Variants in DENND1A observed in about 807,000 individuals in gnomAD.
DENND1A encodes the protein DENN domain-containing protein 1A.
Under a neutral mutation model 113.7 loss-of-function variants are expected in DENND1A, and 51 were observed. That is an observed-to-expected ratio of 0.45 (90% confidence interval 0.36 to 0.57). The LOEUF is 0.57. DENND1A is among the 20% of genes least tolerant of loss of function. The pLI, the probability that DENND1A is intolerant of heterozygous loss-of-function variation, is 0.00. For missense variants in DENND1A, 1,258 were observed against 1,395.9 expected (o/e 0.90, Z 1.57); for synonymous variants, 565 against 570.8 (o/e 0.99, Z 0.14).
intron 1 of DENND1A, chr9:123,928,874 C>T: frequency 1.0e-6 from 1 of 985,330 alleles, no homozygotes; most frequent in Non-Finnish European, 1.2e-6. Flanking sequence ...TTAAAGTGTC[C>T]TAGGAAAGTT....
At chr9:123,477,542 G>A (rs1030108590) in intron 13 of DENND1A, among the ~76,000 whole-genome samples, 2 of 151,898 alleles carry the variant, frequency 1.3e-5, no homozygotes, top group Admixed American at 1.3e-4. Context: ...CCTGGGTGAC[G>A]TAACATGGAC....
At position 123,413,385 on chromosome 9, in the gene DENND1A, G is replaced by T. The variant is rs962980419; in HGVS notation, c.1489-1556C>A. The T allele has an allele frequency of 9.2e-6, 9 of 979,294 alleles. No individual in the cohort carries two copies. The South Asian group carries it at 3.3e-4, about 36-fold the overall frequency. The allele number at this position is 979,294 out of a possible 1,614,324, so 60.7% of individuals were successfully genotyped here. Reference sequence around the variant, plus strand: ...ATTCAGAATTCCACATGTGACTCCCGTATGAAGCTCCCATTATGTTTTTCT... The same window carrying T: ...ATTCAGAATTCCACATGTGACTCCCTTATGAAGCTCCCATTATGTTTTTCT... On this transcript the variant is annotated intron_variant, in intron 19 of 23. Transcript: ENST00000394215.
chr9:123,757,362 A>T (rs2070659583), intron 5 of DENND1A, among the ~76,000 whole-genome samples: 1 of 152,170 alleles, frequency 6.6e-6, no homozygotes, highest in Non-Finnish European at 1.5e-5. Flanking sequence ...TCTTACATAC[A>T]CAAAATGTCC....
chr9:123,722,333 T>G (rs1338768723), intron 5 of DENND1A, among the ~76,000 whole-genome samples: 1 of 152,200 alleles, frequency 6.6e-6, no homozygotes, highest in Non-Finnish European at 1.5e-5. Flanking sequence ...ACATAAAAGT[T>G]TGAAAAATTT....
chr9:123,481,329 C>T (rs144004197), intron 13 of DENND1A, among the ~76,000 whole-genome samples: 36 of 152,292 alleles, frequency 2.4e-4, no homozygotes, highest in Middle Eastern at 3.4e-3. Flanking sequence ...TAGAAACCTA[C>T]CAGGACAGTG....
chr9:123,386,603 C>T (rs185099054), intron 22 of DENND1A, among the ~76,000 whole-genome samples: 168 of 152,210 alleles, frequency 1.1e-3, no homozygotes, highest in Non-Finnish European at 2.2e-3. Flanking sequence ...AGGCTGGTCT[C>T]GAACTCCTGG....
chr9:123,766,610 C>T lies in DENND1A; in HGVS notation c.182+2904G>A, dbSNP rs76258929. Among the ~76,000 whole-genome samples the T allele has an allele frequency of 3.7e-4, 57 of 152,256 alleles. No individual in the cohort carries two copies. In the East Asian group the frequency reaches 9.1e-3, roughly 24 times the overall value. On this transcript the variant is annotated intron_variant, in intron 4 of 23. Transcript: ENST00000394215. ...TTCCCTGCAAGGTGGTCTACTGAAA[C>T]GTATTTGTCTGGGAGATGGAAATCT...
intron 19 of DENND1A, among the ~76,000 whole-genome samples, chr9:123,435,608 C>T (rs1467881404): frequency 6.6e-6 from 1 of 152,220 alleles, no homozygotes; most frequent in Admixed American, 6.5e-5. Context: ...GTTTGCAGAT[C>T]AGTCATTTGG....
chr9:123,890,477 CCCG>C (rs1849738173), intron 1 of DENND1A, among the ~76,000 whole-genome samples: 1 of 152,198 alleles, frequency 6.6e-6, no homozygotes, highest in South Asian at 2.1e-4. Context: ...ATTTAACCCT[CCCG>C]CCAAGCCTGT....
At chr9:123,728,507 A>AAAAAAAAAAAAAAAAAAC (rs2067914426) in intron 5 of DENND1A, among the ~76,000 whole-genome samples, 1 of 146,964 alleles carries the variant, frequency 6.8e-6, no homozygotes, top group Non-Finnish European at 1.5e-5. Flanking sequence ...AAAAAAAAAA[A>AAAAAAAAAAAAAAAAAAC]AAACAGGCAT....
intron 12 of DENND1A, among the ~76,000 whole-genome samples, chr9:123,567,121 G>A (rs1441694735): frequency 1.3e-5 from 2 of 152,076 alleles, no homozygotes; most frequent in South Asian, 2.1e-4. Flanking sequence ...ATATTTATCC[G>A]GGGAGTGTTT....
chr9:123,485,571 G>C (rs745563159), intron 13 of DENND1A: 7 of 151,472 alleles, frequency 4.6e-5, no homozygotes, highest in Non-Finnish European at 7.4e-5. Context: ...GCTTTGGAGA[G>C]GCTGAAAGAC....
intron 13 of DENND1A, among the ~76,000 whole-genome samples, chr9:123,513,098 C>T (rs1157216754): frequency 1.3e-5 from 2 of 152,236 alleles, no homozygotes; most frequent in African/African-American, 4.8e-5. Flanking sequence ...TCATTCAAGG[C>T]CTGTTTACCT....
chr9:123,840,022 G>A (rs1841594095), intron 2 of DENND1A, among the ~76,000 whole-genome samples: 1 of 150,380 alleles, frequency 6.6e-6, no homozygotes, highest in Non-Finnish European at 1.5e-5. Flanking sequence ...AATTTCTTTT[G>A]AATTAAATTG....
chr9:123,591,986 T>A (rs2059480269), intron 11 of DENND1A, among the ~76,000 whole-genome samples: 1 of 152,228 alleles, frequency 6.6e-6, no homozygotes, highest in South Asian at 2.1e-4. Context: ...AAGCCCTGCT[T>A]CTGTACTGTG....
intron 1 of DENND1A, among the ~76,000 whole-genome samples, chr9:123,880,868 G>A (rs1231259280): frequency 6.6e-6 from 1 of 151,966 alleles, no homozygotes; most frequent in East Asian, 1.9e-4. Context: ...TCTAAGAGCC[G>A]GCATTTTTTC....
At chr9:123,852,019 C>A (rs1347361827) in intron 2 of DENND1A, among the ~76,000 whole-genome samples, 1 of 152,168 alleles carries the variant, frequency 6.6e-6, no homozygotes, top group African/African-American at 2.4e-5. Context: ...ATTTGCCCAG[C>A]GTATTTGGGG....
At chr9:123,623,382 T>G (rs908047029) in intron 10 of DENND1A, among the ~76,000 whole-genome samples, 56 of 152,204 alleles carry the variant, frequency 3.7e-4, no homozygotes, top group Non-Finnish European at 1.2e-4. Context: ...CTTTTCAAAG[T>G]AGGTAAGTTA....
chr9:123,697,672 CCCT>C (rs2065612855), intron 5 of DENND1A, among the ~76,000 whole-genome samples: 1 of 152,182 alleles, frequency 6.6e-6, no homozygotes, highest in South Asian at 2.1e-4. Context: ...TTCACAGTCT[CCCT>C]CCTCCTTCCT....
Sources: gnomAD v4.1 joint callset for allele counts (sites outside exome capture counted in the v4.1 genomes callset) on GRCh38, gnomAD v4.1.1 for gene constraint, MANE v1.5 for transcripts, NCBI Gene and HGNC (gene_info 2026-07-23, HGNC 2026-07-21) for gene names.